Variants in LINGO1 observed in about 807,000 individuals in gnomAD.
The protein encoded by LINGO1 is leucine-rich repeat and immunoglobulin-like domain-containing nogo receptor-interacting protein 1.
Under a neutral mutation model 37.3 loss-of-function variants are expected in LINGO1, and 11 were observed. The observed-to-expected ratio is 0.29, with a 90% CI of 0.19 to 0.49. The LOEUF (loss-of-function observed/expected upper bound fraction) is 0.49, where lower values mean the gene tolerates loss of function less well. Among genes scored for constraint, LINGO1 ranks in the 20% least tolerant of loss-of-function variants. LINGO1 has a pLI of 0.99. For missense variants in LINGO1, 585 were observed against 878.2 expected (o/e 0.67, Z 4.22); for synonymous variants, 387 against 403.0 (o/e 0.96, Z 0.48).
At chr15:77,629,279 T>A (rs976585422) in intron 1 of LINGO1, among the ~76,000 whole-genome samples, 2 of 149,012 alleles carry the variant, frequency 1.3e-5, no homozygotes, top group Non-Finnish European at 2.9e-5. Flanking sequence ...CCCAGGGATA[T>A]TCATTCGTTC....
rs116447681 is a variant in LINGO1, at chr15:77,719,706, A to G, written c.-195+15286T>C. 6.5e-3 allele frequency among the ~76,000 whole-genome samples: 982 copies of G among 150,034 alleles called. 27 individuals carry two copies. The highest frequency in any genetic ancestry group is 0.022 in the African/African-American group (910 of 41,320). ...CATACACACACACATGCTCTCATACATATGTGTACTCACATTCACGCACAT... is the reference window on the plus strand; with the variant it reads ...CATACACACACACATGCTCTCATACGTATGTGTACTCACATTCACGCACAT... On this transcript the variant is annotated intron_variant, in intron 2 of 3. Coordinates refer to the LINGO1 transcript ENST00000561686.
chr15:77,766,084 A>G (rs1489791866), intron 1 of LINGO1, among the ~76,000 whole-genome samples: 2 of 152,180 alleles, frequency 1.3e-5, no homozygotes, highest in Admixed American at 1.3e-4. Flanking sequence ...AATATGAAAG[A>G]CAGAGTTCCA....
intron 1 of LINGO1, among the ~76,000 whole-genome samples, chr15:77,798,553 G>C (rs2076891964): frequency 6.6e-6 from 1 of 152,248 alleles, no homozygotes; most frequent in Non-Finnish European, 1.5e-5. Flanking sequence ...TATGGAAATG[G>C]GGCCACAGGC....
intron 2 of LINGO1, among the ~76,000 whole-genome samples, chr15:77,688,382 G>A (rs1337266621): frequency 4.6e-5 from 7 of 152,328 alleles, no homozygotes; most frequent in African/African-American, 1.7e-4. Flanking sequence ...TTGAATACCC[G>A]TTAAGTAAAT....
intron 3 of LINGO1, among the ~76,000 whole-genome samples, chr15:77,676,878 G>A (rs1488601966): frequency 1.3e-5 from 2 of 152,186 alleles, no homozygotes; most frequent in African/African-American, 4.8e-5. Flanking sequence ...CTGAGGCGTG[G>A]CCTTCCTTCT....
chr15:77,679,544 G>A (rs551252245), intron 2 of LINGO1, among the ~76,000 whole-genome samples: 6 of 152,184 alleles, frequency 3.9e-5, no homozygotes, highest in East Asian at 3.9e-4. Flanking sequence ...CCTCACAACC[G>A]CCCCAAAAGA....
At chr15:77,713,377 C>T (rs1359349987) in intron 2 of LINGO1, among the ~76,000 whole-genome samples, 1 of 151,796 alleles carries the variant, frequency 6.6e-6, no homozygotes, top group Non-Finnish European at 1.5e-5. Context: ...TGTGCCCAGC[C>T]TATGCTGAGT....
chr15:77,682,521 A>G (rs1430223235), intron 2 of LINGO1, among the ~76,000 whole-genome samples: 4 of 151,954 alleles, frequency 2.6e-5, no homozygotes, highest in South Asian at 2.1e-4. Context: ...CCTGTCCCCA[A>G]CTAAGGGTGG....
intron 3 of LINGO1, among the ~76,000 whole-genome samples, chr15:77,670,501 T>C (rs1567508953): frequency 6.6e-6 from 1 of 151,334 alleles, no homozygotes; most frequent in Non-Finnish European, 1.5e-5. Context: ...GGTGGGGCCC[T>C]ACCCGAGGCA....
At position 77,713,210 on chromosome 15, in the gene LINGO1, T is replaced by TTGTGTGTGTGTGTGTG. The variant is rs57831674; in HGVS notation, c.-195+21766_-195+21781dup. ...GGCACACACCACCATGCCCAGCTAA[T>TTGTGTGTGTGTGTGTG]TGTGTGTGTGTGTGTGTGTGTGTGT... On this transcript the variant is annotated intron_variant, in intron 2 of 3. Transcript: ENST00000561686. Among the ~76,000 whole-genome samples the TTGTGTGTGTGTGTGTG allele has an allele frequency of 8.2e-4, 102 of 123,804 alleles. 1 individual carries two copies. Among genetic ancestry groups the TTGTGTGTGTGTGTGTG allele is most frequent in the Admixed American group, 3.8e-3 (45 of 11,868 alleles). The allele number at this position is 123,804 out of a possible 152,430, so 81.2% of individuals were successfully genotyped here.
At chr15:77,627,082 G>C (rs1416265454) in intron 1 of LINGO1, among the ~76,000 whole-genome samples, 2 of 151,818 alleles carry the variant, frequency 1.3e-5, no homozygotes, top group African/African-American at 2.4e-5. Flanking sequence ...GTGGCAGAGA[G>C]AGATTAATTC....
intron 1 of LINGO1, among the ~76,000 whole-genome samples, chr15:77,692,322 C>T (rs946304911): frequency 6.6e-6 from 1 of 152,116 alleles, no homozygotes; most frequent in African/African-American, 2.4e-5. Context: ...GTCTACTTCC[C>T]AAATATTCTG....
Position 77,632,213 on chromosome 15 carries a change from C to T in LINGO1, c.6+97G>A. 8.1e-7 allele frequency: 1 copy of T among 1,236,030 alleles called. No homozygotes were observed. Among genetic ancestry groups the T allele is most frequent in the Non-Finnish European group, 1.0e-6 (1 of 977,162 alleles). The allele number at this position is 1,236,030 out of a possible 1,614,324, so 76.6% of individuals were successfully genotyped here. ...GTCTGGGTGGCACCGAGGTGCCCTG[C>T]AACCCCAGGAGGGCGCAGCCAGGGC... On this transcript the variant is annotated intron_variant, in intron 1 of 1. Transcript: ENST00000355300. The surrounding 1 kb of genome is among the most constrained non-coding windows in gnomAD (Gnocchi z 6.0).
At position 77,717,446 on chromosome 15, in the gene LINGO1, G is replaced by C. The variant is rs574361977; in HGVS notation, c.-195+17546C>G. ...CCAGTGTGTCTACCAAGGCGAGGGG[G>C]GTGTTCCTGCCCAGAACTGGCACCC... On this transcript the variant is annotated intron_variant, in intron 2 of 3. Coordinates refer to the LINGO1 transcript ENST00000561686. 1.5e-4 allele frequency among the ~76,000 whole-genome samples: 22 copies of C among 150,816 alleles called. 1 individual carries two copies. The highest frequency in any genetic ancestry group is 3.0e-4 in the Non-Finnish European group (20 of 67,550).
At chr15:77,652,935 G>A (rs147109645) in intron 3 of LINGO1, among the ~76,000 whole-genome samples, 134 of 152,232 alleles carry the variant, frequency 8.8e-4, no homozygotes, top group Middle Eastern at 3.4e-3. Context: ...TTGACCCTCA[G>A]GGCCCAGCCC....
intron 1 of LINGO1, among the ~76,000 whole-genome samples, chr15:77,693,981 G>T (rs1309419827): frequency 6.6e-6 from 1 of 152,156 alleles, no homozygotes; most frequent in African/African-American, 2.4e-5. Context: ...AAGGAGAAAA[G>T]ATTCCAGGGA....
chr15:77,621,505 C>G (rs1484034215), intron 1 of LINGO1, among the ~76,000 whole-genome samples: 1 of 152,192 alleles, frequency 6.6e-6, no homozygotes, highest in Non-Finnish European at 1.5e-5. Context: ...CTCTGTGTCT[C>G]CTAGTTGGGC....
At chr15:77,714,316 A>C (rs1236763960) in intron 2 of LINGO1, among the ~76,000 whole-genome samples, 1 of 151,814 alleles carries the variant, frequency 6.6e-6, no homozygotes, top group Non-Finnish European at 1.5e-5. Flanking sequence ...CTCTTTCCCT[A>C]CTTGGCCCTT....
At chr15:77,720,013 C>A (rs1263591982) in intron 2 of LINGO1, among the ~76,000 whole-genome samples, 1 of 150,224 alleles carries the variant, frequency 6.7e-6, no homozygotes, top group Non-Finnish European at 1.5e-5. Context: ...TTGTTCCCTT[C>A]CACTCAGTCT....
Sources: gnomAD v4.1 joint callset for allele counts (sites outside exome capture counted in the v4.1 genomes callset) on GRCh38, gnomAD v4.1.1 for gene constraint, Gnocchi (gnomAD v3.1) non-coding constraint, MANE v1.5 for transcripts, NCBI Gene and HGNC (gene_info 2026-07-23, HGNC 2026-07-21) for gene names.